Variants in GRID2 observed in about 807,000 individuals in gnomAD.
The protein encoded by GRID2 is glutamate ionotropic receptor delta type subunit 2, also known as glutamate receptor ionotropic, delta-2.
In GRID2, 33 loss-of-function variants were observed where a neutral mutation model predicts 114.8. That is an observed-to-expected ratio of 0.29 (90% CI 0.22 to 0.38). GRID2 has a LOEUF of 0.38. Ranked by LOEUF, GRID2 falls within the 10% of genes least tolerant of loss-of-function variation. The pLI, the probability that GRID2 is intolerant of heterozygous loss-of-function variation, is 1.00. For synonymous variants in GRID2, 505 were observed against 449.9 expected, an observed-to-expected ratio of 1.12 and a Z score of -1.55; for missense variants, 1,184 against 1,257.7, an observed-to-expected ratio of 0.94 and a Z score of 0.89.
intron 2 of GRID2, among the ~76,000 whole-genome samples, chr4:92,900,998 T>C (rs1481558336): frequency 2.0e-5 from 3 of 151,954 alleles, no homozygotes; most frequent in African/African-American, 7.3e-5. Flanking sequence ...CTTAGGTTGA[T>C]GCCATATCTT....
rs200687940 is a variant in GRID2, at chr4:93,356,760, TG to T, written c.1246-38846del. Among the ~76,000 whole-genome samples, 788 of 152,014 alleles carry T rather than the reference TG, an allele frequency of 5.2e-3. 3 individuals carry two copies. The highest frequency in any genetic ancestry group is 0.01 in the Middle Eastern group (3 of 286). ...CACTGAAATTCCATTTCTATAACTT[TG>T]ATACATATTTTTTCATCAGAATCAG... On this transcript the variant is annotated intron_variant, in intron 8 of 15. Transcript: ENST00000282020.
intron 7 of GRID2, among the ~76,000 whole-genome samples, chr4:93,229,227 C>T (rs1745842264): frequency 6.6e-6 from 1 of 152,096 alleles, no homozygotes; most frequent in African/African-American, 2.4e-5. Flanking sequence ...GATGTCAATG[C>T]TGGTGATACT....
At position 92,661,292 on chromosome 4, in the gene GRID2, A is replaced by AGG. The variant is rs1732502723; in HGVS notation, c.244+71007_244+71008insGG. On this transcript the variant is annotated intron_variant, in intron 2 of 15. Coordinates refer to ENST00000282020, the MANE Select transcript of GRID2 (RefSeq NM_001510.4). ...ATAATTATGACAAATAACATTAAAAAGTCACCCTGTTTAAAAGTATCAAAA... is the reference window on the plus strand; with the variant it reads ...ATAATTATGACAAATAACATTAAAAAGGGTCACCCTGTTTAAAAGTATCAAAA... 2.0e-5 allele frequency among the ~76,000 whole-genome samples: 3 copies of AGG among 151,070 alleles called. No homozygotes were observed. The Admixed American group carries it at 2.0e-4, about 10-fold the overall frequency.
At chr4:93,762,667 C>T (rs896310846) in intron 14 of GRID2, among the ~76,000 whole-genome samples, 1 of 152,056 alleles carries the variant, frequency 6.6e-6, no homozygotes, top group Non-Finnish European at 1.5e-5. Context: ...GCTTCTCTTC[C>T]CTTTAGGGTC....
intron 14 of GRID2, among the ~76,000 whole-genome samples, chr4:93,748,303 A>G (rs1238201762): frequency 6.6e-6 from 1 of 152,130 alleles, no homozygotes; most frequent in African/African-American, 2.4e-5. Context: ...TTATATATAC[A>G]TTATAATAAA....
chr4:92,478,221 A>C (rs1722409777), intron 1 of GRID2, among the ~76,000 whole-genome samples: 1 of 152,046 alleles, frequency 6.6e-6, no homozygotes, highest in Non-Finnish European at 1.5e-5. Flanking sequence ...GCCTAAGCTA[A>C]ATGTAACTAA....
chr4:92,971,378 T>A (rs1442926453), intron 2 of GRID2, among the ~76,000 whole-genome samples: 1 of 152,006 alleles, frequency 6.6e-6, no homozygotes, highest in Non-Finnish European at 1.5e-5. Flanking sequence ...GTAATAAGGG[T>A]GCAGTTGTCA....
chr4:93,017,550 A>C (rs1722866937), intron 2 of GRID2, among the ~76,000 whole-genome samples: 1 of 152,014 alleles, frequency 6.6e-6, no homozygotes, highest in Non-Finnish European at 1.5e-5. Context: ...GCAGTGGCTC[A>C]CACCTATAAC....
chr4:92,314,321 C>A (rs1012433984), intron 1 of GRID2, among the ~76,000 whole-genome samples: 1 of 152,040 alleles, frequency 6.6e-6, no homozygotes, highest in Non-Finnish European at 1.5e-5. Context: ...TGGTAATGTA[C>A]TAATTCCAGG....
chr4:92,526,952 C>T (rs543985001), intron 1 of GRID2, among the ~76,000 whole-genome samples: 84 of 152,046 alleles, frequency 5.5e-4, no homozygotes, highest in Non-Finnish European at 1.1e-3. Context: ...CAAGGAGCAT[C>T]TATATAGATA....
chr4:92,497,846 G>A (rs1047167479), intron 1 of GRID2, among the ~76,000 whole-genome samples: 9 of 151,484 alleles, frequency 5.9e-5, no homozygotes, highest in Admixed American at 1.3e-4. Flanking sequence ...AAAATTTTAC[G>A]TAAAAGGATC....
intron 2 of GRID2, among the ~76,000 whole-genome samples, chr4:92,591,068 C>A (rs1728687893): frequency 6.6e-6 from 1 of 152,102 alleles, no homozygotes; most frequent in South Asian, 2.1e-4. Context: ...TCCCCTCCTA[C>A]CCCGCTGCAT....
At chr4:92,449,283 A>G (rs1579384166) in intron 1 of GRID2, among the ~76,000 whole-genome samples, 1 of 152,192 alleles carries the variant, frequency 6.6e-6, no homozygotes, top group East Asian at 1.9e-4. Context: ...GTTGATTTCC[A>G]TAACTTACAG....
chr4:92,885,480 A>G (rs1746309780), intron 2 of GRID2, among the ~76,000 whole-genome samples: 1 of 152,214 alleles, frequency 6.6e-6, no homozygotes, highest in Admixed American at 6.5e-5. Flanking sequence ...TCACATTGCT[A>G]TAAATATGCT....
intron 2 of GRID2, among the ~76,000 whole-genome samples, chr4:92,749,638 C>T (rs946804758): frequency 3.3e-5 from 5 of 152,002 alleles, no homozygotes; most frequent in Admixed American, 2.6e-4. Context: ...TATTTTAAGC[C>T]AATTGAAGTT....
intron 4 of GRID2, among the ~76,000 whole-genome samples, chr4:93,145,187 C>T (rs1736094793): frequency 6.6e-6 from 1 of 152,100 alleles, no homozygotes. Context: ...CAGCATGTTG[C>T]ACCATATATT....
chr4:93,291,888 A>G (rs906820840), intron 8 of GRID2, among the ~76,000 whole-genome samples: 10 of 150,566 alleles, frequency 6.6e-5, no homozygotes, highest in African/African-American at 2.3e-4. Flanking sequence ...TAGCATATGC[A>G]TTACCACACA....
intron 8 of GRID2, among the ~76,000 whole-genome samples, chr4:93,338,146 A>T (rs1035729012): frequency 2.6e-5 from 4 of 151,544 alleles, no homozygotes; most frequent in South Asian, 2.1e-4. Flanking sequence ...AGTGATGTGA[A>T]TTTTTTTTTG....
At chr4:93,298,549 C>T (rs1439424286) in intron 8 of GRID2, among the ~76,000 whole-genome samples, 1 of 152,222 alleles carries the variant, frequency 6.6e-6, no homozygotes, top group African/African-American at 2.4e-5. Context: ...AGGATTTCAG[C>T]ATATGAATTT....
Sources: allele counts gnomAD v4.1 joint callset (sites outside exome capture counted in the v4.1 genomes callset), GRCh38; gene constraint gnomAD v4.1.1; transcripts MANE v1.5; gene names NCBI Gene and HGNC (gene_info 2026-07-23, HGNC 2026-07-21).